The following SCG5 variants were observed in gnomAD, a reference collection of about 807,000 sequenced individuals.
The protein encoded by SCG5 is neuroendocrine protein 7B2.
Under a neutral mutation model 25.7 loss-of-function variants are expected in SCG5, and 18 were observed. That is an observed-to-expected ratio of 0.70 (90% CI 0.48 to 1.04). SCG5 has a LOEUF of 1.04. Ranked by LOEUF, SCG5 falls within the 50% of genes least tolerant of loss-of-function variation. SCG5 has a pLI of 0.00. For synonymous variants in SCG5, 101 were observed against 91.7 expected (o/e 1.10, Z -0.58); for missense variants, 206 against 259.8 (o/e 0.79, Z 1.42).
intron 2 of SCG5, among the ~76,000 whole-genome samples, chr15:32,645,284 C>T (rs941061111): frequency 1.3e-5 from 2 of 152,200 alleles, no homozygotes; most frequent in African/African-American, 2.4e-5. Context: ...CCACTAATAC[C>T]TGAGGCCTGA....
At chr15:32,656,976 A>G (rs2054127827) in intron 2 of SCG5, among the ~76,000 whole-genome samples, 1 of 151,434 alleles carries the variant, frequency 6.6e-6, no homozygotes, top group Non-Finnish European at 1.5e-5. Context: ...CAGGGGTTCT[A>G]GTCCTAGCTC....
At chr15:32,661,356 A>G (rs937643569) in intron 2 of SCG5, among the ~76,000 whole-genome samples, 2 of 152,248 alleles carry the variant, frequency 1.3e-5, no homozygotes, top group Admixed American at 6.5e-5. Context: ...GCGGTGGCTC[A>G]TGCCTGTAAT....
intron 2 of SCG5, among the ~76,000 whole-genome samples, chr15:32,673,495 TTG>T (rs1280709389): frequency 6.7e-6 from 1 of 149,898 alleles, no homozygotes; most frequent in Non-Finnish European, 1.5e-5. Context: ...ACCCTTCACC[TTG>T]AATCAGAATC....
At chr15:32,684,230 T>C (rs1242577165) in intron 3 of SCG5, among the ~76,000 whole-genome samples, 2 of 152,198 alleles carry the variant, frequency 1.3e-5, no homozygotes, top group Non-Finnish European at 2.9e-5. Flanking sequence ...AATACATTAC[T>C]TGTGCCCACA....
chr15:32,664,618 T>C (rs953744523), intron 2 of SCG5, among the ~76,000 whole-genome samples: 2 of 152,208 alleles, frequency 1.3e-5, no homozygotes, highest in Non-Finnish European at 2.9e-5. Flanking sequence ...TTCCAGGCCT[T>C]GGAAGCAGTC....
chr15:32,690,055 A>G (rs763859067), intron 4 of SCG5, among the ~76,000 whole-genome samples: 5 of 151,978 alleles, frequency 3.3e-5, no homozygotes, highest in Non-Finnish European at 7.4e-5. Context: ...GTTAGCCGGG[A>G]TGGTCTCGAT....
At chr15:32,688,193 C>T (rs1055303936) in intron 4 of SCG5, among the ~76,000 whole-genome samples, 11 of 152,162 alleles carry the variant, frequency 7.2e-5, no homozygotes, top group African/African-American at 2.7e-4. Flanking sequence ...TGAGTCCTAC[C>T]GAGGGCTGGC....
chr15:32,661,606 G>A (rs1243871201), intron 2 of SCG5, among the ~76,000 whole-genome samples: 2 of 151,994 alleles, frequency 1.3e-5, no homozygotes, highest in African/African-American at 2.4e-5. Flanking sequence ...GGCAACGAGC[G>A]AAACTCTGTC....
At chr15:32,679,043 A>G (rs1052418234) in intron 2 of SCG5, among the ~76,000 whole-genome samples, 2 of 152,148 alleles carry the variant, frequency 1.3e-5, no homozygotes, top group Non-Finnish European at 2.9e-5. Context: ...CTGGATGGCA[A>G]TTGCCTTCCT....
At chr15:32,649,246 T>C (rs1245499806) in intron 2 of SCG5, among the ~76,000 whole-genome samples, 2 of 152,180 alleles carry the variant, frequency 1.3e-5, no homozygotes, top group African/African-American at 4.8e-5. Flanking sequence ...CAGGGGGAAA[T>C]AAATATACCT....
chr15:32,644,363 C>T (rs960753199), intron 2 of SCG5, among the ~76,000 whole-genome samples: 1 of 152,094 alleles, frequency 6.6e-6, no homozygotes, highest in Non-Finnish European at 1.5e-5. Flanking sequence ...AAAAGAGGTA[C>T]TGACATTAAG....
intron 2 of SCG5, among the ~76,000 whole-genome samples, chr15:32,666,119 C>T (rs2054313914): frequency 6.6e-6 from 1 of 152,146 alleles, no homozygotes; most frequent in African/African-American, 2.4e-5. Context: ...CTTCTTTTCC[C>T]CGAATGTTTC....
At position 32,658,753 on chromosome 15, in the gene SCG5, T is replaced by C. The variant is rs143290955; in HGVS notation, c.226+14935T>C. ...TCGATGGTGGCAGGGGTAGTAGCAG[T>C]GGCATTGGATGGGACGGTGGGTTGG... On this transcript the variant is annotated intron_variant, in intron 2 of 5. Coordinates refer to ENST00000300175, the MANE Select transcript of SCG5 (RefSeq NM_001144757.3). Among the ~76,000 whole-genome samples the C allele has an allele frequency of 7.5e-3, 1,140 of 152,312 alleles. 11 individuals carry two copies. The highest frequency in any genetic ancestry group is 0.026 in the African/African-American group (1,067 of 41,556).
chr15:32,695,633 G>T (rs1014022296), intron 5 of SCG5, among the ~76,000 whole-genome samples: 1 of 151,934 alleles, frequency 6.6e-6, no homozygotes. Flanking sequence ...ATGATCACTC[G>T]AGCCCCTAAT....
In SCG5 at chr15:32,651,284, A is replaced by C. The variant is rs139369574; in HGVS notation, c.226+7466A>C. Among the ~76,000 whole-genome samples, 181 of 152,374 alleles carry C rather than the reference A, an allele frequency of 1.2e-3. No homozygotes were observed. The Middle Eastern group carries it at 0.024, about 20-fold the overall frequency. ...TTTTTCACTTAGAAATAGAGACCCA[A>C]GGTTATTTTCTTAATAAATATCAAG... On this transcript the variant is annotated intron_variant, in intron 2 of 5. Coordinates refer to ENST00000300175, the MANE Select transcript of SCG5 (RefSeq NM_001144757.3).
rs193239537 is a variant in SCG5, at chr15:32,653,699, C to T, written c.226+9881C>T. ...GAATTATTTCCTTTTCAGAGGACCT[C>T]AGTCTTTTCTCTTAACGTCTTCAGT... On this transcript the variant is annotated intron_variant, in intron 2 of 5. Coordinates refer to ENST00000300175, the MANE Select transcript of SCG5 (RefSeq NM_001144757.3). Among the ~76,000 whole-genome samples, 271 of 152,334 alleles carry T rather than the reference C, an allele frequency of 1.8e-3. 1 individual carries two copies. Among genetic ancestry groups the T allele is most frequent in the Non-Finnish European group, 3.1e-3 (209 of 68,020 alleles).
intron 1 of SCG5, among the ~76,000 whole-genome samples, chr15:32,642,751 C>A (rs1182400098): frequency 6.6e-6 from 1 of 151,994 alleles, no homozygotes. Flanking sequence ...AGTTAACTCC[C>A]TCTCACCACC....
At chr15:32,648,027 C>A (rs1319612075) in intron 2 of SCG5, among the ~76,000 whole-genome samples, 1 of 152,164 alleles carries the variant, frequency 6.6e-6, no homozygotes, top group Non-Finnish European at 1.5e-5. Flanking sequence ...TTCTTTCTTG[C>A]ATATCCATAG....
intron 5 of SCG5, chr15:32,691,970 T>A: frequency 7.0e-7 from 1 of 1,428,408 alleles, no homozygotes; most frequent in Non-Finnish European, 9.1e-7. Flanking sequence ...GCAGATGATT[T>A]TTAGTGGAAC....
Sources: allele counts gnomAD v4.1 joint callset (sites outside exome capture counted in the v4.1 genomes callset), GRCh38; gene constraint gnomAD v4.1.1; transcripts MANE v1.5; gene names NCBI Gene and HGNC (gene_info 2026-07-23, HGNC 2026-07-21).